PPIP5K2: variants seen among roughly 807,000 people sequenced by gnomAD.
PPIP5K2 encodes inositol hexakisphosphate and diphosphoinositol-pentakisphosphate kinase 2.
PPIP5K2 carries 105 observed loss-of-function variants against 154.6 expected under a neutral mutation model. That is an observed-to-expected ratio of 0.68 (90% CI 0.58 to 0.80). The LOEUF (loss-of-function observed/expected upper bound fraction) is 0.80, where lower values mean the gene tolerates loss of function less well. Ranked by LOEUF, PPIP5K2 falls within the 30% of genes least tolerant of loss-of-function variation. The pLI is 0.00. For missense variants in PPIP5K2, 992 were observed against 1,504.6 expected (o/e 0.66, Z 5.64); for synonymous variants, 480 against 490.3 (o/e 0.98, Z 0.28).
chr5:103,193,892 T>G (rs1400755037), intron 29 of PPIP5K2, among the ~76,000 whole-genome samples: 1 of 152,160 alleles, frequency 6.6e-6, no homozygotes, highest in Non-Finnish European at 1.5e-5. Flanking sequence ...ATTCCATACT[T>G]AAGAATTATC....
At position 103,204,186 on chromosome 5, in the gene PPIP5K2, C is replaced by T. The variant is rs960991924; in HGVS notation, c.*2552C>T. Reference sequence around the variant, plus strand: ...CATGCCAGTTTGAACCAAGATTTCACATTTTTGTTTTGTATTCATACTTTG... The same window carrying T: ...CATGCCAGTTTGAACCAAGATTTCATATTTTTGTTTTGTATTCATACTTTG... On this transcript the variant is annotated 3_prime_UTR_variant, in exon 31 of 31. Transcript: ENST00000358359. The T allele has an allele frequency of 6.6e-6, 1 of 152,182 alleles. No homozygotes were observed. Among genetic ancestry groups the T allele is most frequent in the East Asian group, 1.9e-4 (1 of 5,190 alleles). 9.4% of individuals were successfully genotyped at this position (152,182 alleles called of 1,614,324 possible).
chr5:103,179,526 G>A (rs1039573944), intron 23 of PPIP5K2, among the ~76,000 whole-genome samples: 1 of 151,984 alleles, frequency 6.6e-6, no homozygotes, highest in South Asian at 2.1e-4. Context: ...CTTAGTAAAT[G>A]CTTAATGAGT....
chr5:103,190,673 C>T (rs2149799481), intron 28 of PPIP5K2, among the ~76,000 whole-genome samples, 169 bp from the exon 29 acceptor site: 1 of 152,024 alleles, frequency 6.6e-6, no homozygotes, highest in African/African-American at 2.4e-5. Context: ...TGTTCCAGCT[C>T]CATATTGCAT....
At chr5:103,128,854 A>G (rs1315957642) in intron 1 of PPIP5K2, among the ~76,000 whole-genome samples, 1 of 152,210 alleles carries the variant, frequency 6.6e-6, no homozygotes, top group Non-Finnish European at 1.5e-5. Context: ...CTGTTTACAG[A>G]CAACTTTTAC....
chr5:103,144,170 A>G (rs1263447812), intron 5 of PPIP5K2, among the ~76,000 whole-genome samples: 1 of 151,992 alleles, frequency 6.6e-6, no homozygotes, highest in Non-Finnish European at 1.5e-5. Context: ...AAAAAAAAGT[A>G]ATCCCATTTA....
intron 2 of PPIP5K2, among the ~76,000 whole-genome samples, chr5:103,132,649 G>T (rs1484976702): frequency 6.6e-6 from 1 of 152,110 alleles, no homozygotes; most frequent in Non-Finnish European, 1.5e-5. Context: ...TTATAATGTT[G>T]TATGAAATAT....
In PPIP5K2 at chr5:103,147,984, C is replaced by T; in HGVS notation, c.696C>T (p.Gly232=). The change falls in exon 7 of 31, where the codon GGC becomes GGT. Residue 232 remains glycine, a synonymous_variant. Coordinates refer to ENST00000358359, the MANE Select transcript of PPIP5K2 (RefSeq NM_001276277.3). ...YSPESNVRKT[G]SYIYEEFMPT... is the part of the protein sequence containing the mutation. ...CAGAAAGCAATGTACGAAAAACAGG[C>T]TCATATATATATGAAGAGTTTATGC... 1 of 1,603,530 alleles carries T rather than the reference C, an allele frequency of 6.2e-7. No homozygotes were observed. The highest frequency in any genetic ancestry group is 1.1e-5 in the South Asian group (1 of 89,070).
intron 2 of PPIP5K2, among the ~76,000 whole-genome samples, chr5:103,131,568 C>G (rs782056451): frequency 1.3e-5 from 2 of 152,072 alleles, no homozygotes; most frequent in Admixed American, 6.5e-5. Flanking sequence ...CTGTTAAGGA[C>G]AGGTAATTCT....
At chr5:103,181,610 C>T (rs1285164542) in intron 24 of PPIP5K2, among the ~76,000 whole-genome samples, 2 of 151,776 alleles carry the variant, frequency 1.3e-5, no homozygotes, top group Non-Finnish European at 2.9e-5. Flanking sequence ...CACATATATA[C>T]ATATATATGT....
At chr5:103,187,060 A>G (rs971200638) in intron 27 of PPIP5K2, among the ~76,000 whole-genome samples, 10 of 152,170 alleles carry the variant, frequency 6.6e-5, no homozygotes, top group African/African-American at 2.2e-4. Context: ...TATTTTAGAC[A>G]GTAAAACATG....
At chr5:103,186,591 T>C in intron 27 of PPIP5K2, 152 bp downstream of exon 27, 1 of 1,042,180 alleles carries the variant, frequency 9.6e-7, no homozygotes, top group Non-Finnish European at 1.4e-6. Context: ...CTCTGTTATC[T>C]ACAACTTGGA....
intron 11 of PPIP5K2, 55 bp downstream of exon 11, chr5:103,153,989 T>G: frequency 7.6e-7 from 1 of 1,315,994 alleles, no homozygotes; most frequent in Non-Finnish European, 1.1e-6. Flanking sequence ...AGATTTCTGA[T>G]AAGTGATCAA....
At chr5:103,161,659 G>C (rs1305995831) in intron 17 of PPIP5K2, among the ~76,000 whole-genome samples, 2 of 152,146 alleles carry the variant, frequency 1.3e-5, no homozygotes, top group Admixed American at 1.3e-4. Context: ...ATTCTAACTG[G>C]TGTGAGATGG....
At chr5:103,142,735 CA>C (rs1270344811) in intron 5 of PPIP5K2, among the ~76,000 whole-genome samples, 19 of 147,538 alleles carry the variant, frequency 1.3e-4, no homozygotes, top group Non-Finnish European at 2.8e-4. Context: ...AAGATGGCGC[CA>C]CTGCACTCCA....
rs1386214372 is a variant in PPIP5K2, at chr5:103,210,841, A to G, written c.*9207A>G. 7.9e-5 allele frequency: 12 copies of G among 152,100 alleles called. No homozygotes were observed. The highest frequency in any genetic ancestry group is 1.6e-4 in the Non-Finnish European group (11 of 67,974). 9.4% of individuals were successfully genotyped at this position (152,100 alleles called of 1,614,324 possible). A position where few individuals can be genotyped will look rare whatever the true frequency, so the allele number is the denominator to read the frequency against. ...AGCTTTTTGTTATTATCCAGAATAC[A>G]TTTAGTTCTGGATTTTGTTTGATAT... is the stretch of plus-strand genomic sequence containing the variant. On this transcript the variant is annotated 3_prime_UTR_variant, in exon 31 of 31. Transcript: ENST00000358359.
Position 103,211,674 on chromosome 5 carries a change from GA to G in PPIP5K2, c.*10044del, listed in dbSNP as rs1554232589. On this transcript the variant is annotated 3_prime_UTR_variant, in exon 31 of 31. Coordinates refer to ENST00000358359, the MANE Select transcript of PPIP5K2 (RefSeq NM_001276277.3). ...TCATATGCATTTCTCACAGTGACCT[GA>G]AAACAGGCATTCCTTCTCTAAATGT... 6.6e-6 allele frequency: 1 copy of G among 152,090 alleles called. No individual in the cohort carries two copies. The highest frequency in any genetic ancestry group is 2.4e-5 in the African/African-American group (1 of 41,442). The allele number at this position is 152,090 out of a possible 1,614,324, so 9.4% of individuals were successfully genotyped here.
At chr5:103,197,388 G>T (rs1802248206) in intron 30 of PPIP5K2, among the ~76,000 whole-genome samples, 1 of 151,272 alleles carries the variant, frequency 6.6e-6, no homozygotes, top group Admixed American at 6.6e-5. Flanking sequence ...TCAAATTGTT[G>T]CTCTTTTATT....
At position 103,157,714 on chromosome 5, in the gene PPIP5K2, C is replaced by A. The variant is rs1465254836; in HGVS notation, c.1490-474C>A. Among the ~76,000 whole-genome samples the A allele has an allele frequency of 5.2e-3, 758 of 145,778 alleles. 6 individuals carry two copies. Among genetic ancestry groups the A allele is most frequent in the African/African-American group, 0.017 (669 of 40,032 alleles). ...GAGACTCTGTCTCAAAAAAAAAAAA[C>A]AAAAAAATATATATATCTTCTTCAC... On this transcript the variant is annotated intron_variant, in intron 14 of 30. Transcript: ENST00000358359.
chr5:103,132,135 G>T (rs1324179573), intron 2 of PPIP5K2, among the ~76,000 whole-genome samples: 8 of 152,124 alleles, frequency 5.3e-5, no homozygotes, highest in African/African-American at 1.9e-4. Flanking sequence ...AAGATTCCAG[G>T]AGAGTTAGCA....
Sources: gnomAD v4.1 joint callset for allele counts (sites outside exome capture counted in the v4.1 genomes callset) on GRCh38, gnomAD v4.1.1 for gene constraint, MANE v1.5 for transcripts, NCBI Gene and HGNC (gene_info 2026-07-23, HGNC 2026-07-21) for gene names.